The following CERS6 variants were observed in gnomAD, a reference collection of about 807,000 sequenced individuals.
CERS6 encodes LAG1 homolog, ceramide synthase 6.
CERS6 carries 26 observed loss-of-function variants against 56.8 expected under a neutral mutation model. The ratio of observed to expected loss-of-function variants is 0.46; its 90% confidence interval spans 0.34 to 0.63. The LOEUF is 0.63. CERS6 is among the 30% of genes least tolerant of loss of function. The pLI, the probability that CERS6 is intolerant of heterozygous loss-of-function variation, is 0.01. For missense variants in CERS6, 415 were observed against 467.5 expected (o/e 0.89, Z 1.04); for synonymous variants, 164 against 173.3 (o/e 0.95, Z 0.42).
chr2:168,519,744 C>T (rs1026294516), intron 1 of CERS6, among the ~76,000 whole-genome samples: 3 of 152,056 alleles, frequency 2.0e-5, no homozygotes, highest in Non-Finnish European at 4.4e-5. Context: ...GTGTAGTATT[C>T]CATGGTGTAT....
intron 8 of CERS6, among the ~76,000 whole-genome samples, chr2:168,740,114 C>G (rs1683850705): frequency 6.6e-6 from 1 of 152,088 alleles, no homozygotes; most frequent in African/African-American, 2.4e-5. Context: ...AGTGCTGAGT[C>G]TTTTCCAGAA....
At chr2:168,580,051 C>A (rs1683371471) in intron 3 of CERS6, among the ~76,000 whole-genome samples, 1 of 152,156 alleles carries the variant, frequency 6.6e-6, no homozygotes, top group Non-Finnish European at 1.5e-5. Flanking sequence ...CACATCCTTG[C>A]CATTTAACAA....
At chr2:168,585,127 G>T (rs938604606) in intron 3 of CERS6, among the ~76,000 whole-genome samples, 3 of 152,260 alleles carry the variant, frequency 2.0e-5, no homozygotes, top group African/African-American at 7.2e-5. Context: ...CTTGACCCAT[G>T]TCAGGAAACA....
chr2:168,545,144 AAC>A (rs1250960850), intron 1 of CERS6, among the ~76,000 whole-genome samples: 1 of 151,984 alleles, frequency 6.6e-6, no homozygotes, highest in African/African-American at 2.4e-5. Flanking sequence ...TATTTGTAGA[AAC>A]ACATACATGT....
chr2:168,735,298 A>T (rs1484604454), intron 8 of CERS6, among the ~76,000 whole-genome samples: 3 of 152,208 alleles, frequency 2.0e-5, no homozygotes, highest in Admixed American at 6.5e-5. Context: ...CTGCAAAAAA[A>T]AAAAAAGTTA....
chr2:168,647,495 A>T (rs986009161), intron 4 of CERS6, among the ~76,000 whole-genome samples: 2 of 152,034 alleles, frequency 1.3e-5, no homozygotes. Context: ...TCCTATTTGG[A>T]TGCCTTTTAT....
At chr2:168,481,372 C>T (rs1694175063) in intron 1 of CERS6, among the ~76,000 whole-genome samples, 1 of 152,110 alleles carries the variant, frequency 6.6e-6, no homozygotes, top group Non-Finnish European at 1.5e-5. Flanking sequence ...TGAGACTGTG[C>T]CACTGCACTC....
intron 4 of CERS6, among the ~76,000 whole-genome samples, chr2:168,634,780 A>G (rs1217805285): frequency 6.6e-6 from 1 of 152,220 alleles, no homozygotes; most frequent in Non-Finnish European, 1.5e-5. Context: ...AAGTTACTCA[A>G]GATATACCTA....
At chr2:168,632,332 T>C (rs1056554846) in intron 4 of CERS6, among the ~76,000 whole-genome samples, 3 of 152,224 alleles carry the variant, frequency 2.0e-5, no homozygotes, top group African/African-American at 7.2e-5. Context: ...CTTGTAAATA[T>C]TGACATGGAA....
chr2:168,540,676 T>C (rs943077710), intron 1 of CERS6, among the ~76,000 whole-genome samples: 2 of 152,262 alleles, frequency 1.3e-5, no homozygotes, highest in African/African-American at 4.8e-5. Context: ...AACTGTACTT[T>C]AAAGATGTTA....
At chr2:168,727,551 A>G (rs1310245597) in intron 8 of CERS6, among the ~76,000 whole-genome samples, 1 of 151,816 alleles carries the variant, frequency 6.6e-6, no homozygotes, top group African/African-American at 2.4e-5. Context: ...CCATCTCAAA[A>G]AAAAAAAAAA....
chr2:168,769,223 A>G (rs1377585841), intron 9 of CERS6, among the ~76,000 whole-genome samples: 2 of 152,208 alleles, frequency 1.3e-5, no homozygotes, highest in African/African-American at 4.8e-5. Context: ...CTTTTTGATT[A>G]CAAGTGGGAT....
At chr2:168,671,804 A>G (rs1685925921) in intron 4 of CERS6, among the ~76,000 whole-genome samples, 1 of 152,220 alleles carries the variant, frequency 6.6e-6, no homozygotes, top group African/African-American at 2.4e-5. Flanking sequence ...ATTATAAAAT[A>G]TGTATTTATT....
At chr2:168,712,912 T>G (rs1687129176) in intron 6 of CERS6, among the ~76,000 whole-genome samples, 1 of 152,190 alleles carries the variant, frequency 6.6e-6, no homozygotes, top group South Asian at 2.1e-4. Flanking sequence ...AGCCCCTCTG[T>G]GTACTATTAT....
intron 8 of CERS6, among the ~76,000 whole-genome samples, chr2:168,758,614 G>A (rs939963173): frequency 6.6e-6 from 1 of 152,160 alleles, no homozygotes; most frequent in African/African-American, 2.4e-5. Context: ...CATTGTTATC[G>A]TCTTATTACC....
At chr2:168,566,912 G>T (rs921529711) in intron 3 of CERS6, among the ~76,000 whole-genome samples, 5 of 151,874 alleles carry the variant, frequency 3.3e-5, no homozygotes, top group Non-Finnish European at 7.4e-5. Flanking sequence ...TTCTCTATCA[G>T]ACCATGACAT....
intron 3 of CERS6, among the ~76,000 whole-genome samples, chr2:168,592,061 T>G (rs1370023848): frequency 6.6e-6 from 1 of 152,180 alleles, no homozygotes; most frequent in African/African-American, 2.4e-5. Flanking sequence ...AAGACAATTC[T>G]GATGGAACTT....
intron 4 of CERS6, among the ~76,000 whole-genome samples, chr2:168,633,339 A>G (rs1332319923): frequency 6.6e-6 from 1 of 152,166 alleles, no homozygotes; most frequent in Non-Finnish European, 1.5e-5. Context: ...CATACATAGA[A>G]TTCATCTGAC....
chr2:168,702,110 T>A (rs1037632395), intron 6 of CERS6, among the ~76,000 whole-genome samples: 3 of 152,168 alleles, frequency 2.0e-5, no homozygotes, highest in African/African-American at 7.2e-5. Flanking sequence ...GTCCATTTTT[T>A]AAAAAGTTTT....
Sources: gnomAD v4.1 joint callset for allele counts (sites outside exome capture counted in the v4.1 genomes callset) on GRCh38, gnomAD v4.1.1 for gene constraint, MANE v1.5 for transcripts, NCBI Gene and HGNC (gene_info 2026-07-23, HGNC 2026-07-21) for gene names.